The following SDS variants were observed in gnomAD, a reference collection of about 807,000 sequenced individuals.
The protein encoded by SDS is serine dehydratase.
SDS carries 19 observed loss-of-function variants against 29.3 expected under a neutral mutation model. That is an observed-to-expected ratio of 0.65 (90% CI 0.45 to 0.95). SDS has a LOEUF of 0.95. Among genes scored for constraint, SDS ranks in the 40% least tolerant of loss-of-function variants. SDS has a pLI of 0.00. For synonymous variants in SDS, 176 were observed against 189.0 expected (o/e 0.93, Z 0.56); for missense variants, 375 against 439.9 (o/e 0.85, Z 1.32).
chr12:113,399,096 G>A lies in SDS; in HGVS notation c.193+16C>T, dbSNP rs534991951. The A allele has an allele frequency of 5.6e-6, 9 of 1,613,740 alleles. No individual in the cohort carries two copies. In the South Asian group the frequency reaches 6.6e-5, roughly 12 times the overall value. On this transcript the variant is annotated intron_variant, in intron 3 of 7. Transcript: ENST00000257549. The stretch of plus-strand genomic sequence containing the variant: ...GACACACAGCAGAGGACAGGATGGG[G>A]AAGCAGATCACTTACCCGAGGAGCA...
At chr12:113,401,045 C>T (rs752281857) in intron 1 of SDS, among the ~76,000 whole-genome samples, 19 of 151,796 alleles carry the variant, frequency 1.3e-4, no homozygotes, top group Non-Finnish European at 2.4e-4. Flanking sequence ...ACCCGGGAGG[C>T]GGAGCTTGTA....
chr12:113,399,863 AC>A (rs1169518692), intron 1 of SDS, among the ~76,000 whole-genome samples, 153 bp from the exon 2 acceptor site: 1 of 152,168 alleles, frequency 6.6e-6, no homozygotes, highest in African/African-American at 2.4e-5. Flanking sequence ...CAAGTGGGCC[AC>A]CTACTCACCA....
intron 5 of SDS, among the ~76,000 whole-genome samples, chr12:113,398,000 A>T (rs1957658570): frequency 6.6e-6 from 1 of 151,210 alleles, no homozygotes; most frequent in Admixed American, 6.6e-5. Flanking sequence ...AGCCGTGGAT[A>T]ATGGGCATTT....
chr12:113,403,153 G>A (rs1196331267), intron 1 of SDS, among the ~76,000 whole-genome samples: 1 of 151,914 alleles, frequency 6.6e-6, no homozygotes, highest in African/African-American at 2.4e-5. Context: ...TTGAGACAAG[G>A]TCTTGCTGTG....
rs540701675 is a variant in SDS at position 113,398,793 on chromosome 12, C to A, written c.247G>T (p.Ala83Ser). The change falls in exon 4 of 8, where the codon GCC (alanine) becomes TCC (serine). Residue 83 changes from alanine to serine, a missense_variant. Physicochemically the swap from Ala to Ser is moderately conservative, Grantham distance 99 (BLOSUM62 1). Transcript: ENST00000257549. Reference sequence around the variant, plus strand: ...GTGGTGCTGGGCACCACGATGGTGGCGGGGACGCCGAGTTGCCTGGCCGCA... The same window carrying A: ...GTGGTGCTGGGCACCACGATGGTGGAGGGGACGCCGAGTTGCCTGGCCGCA... ...AYAARQLGVP[A>S]TIVVPSTTPA... is the part of the protein sequence containing the mutation. 6.2e-7 allele frequency: 1 copy of A among 1,613,172 alleles called. No homozygotes were observed. The highest frequency in any genetic ancestry group is 2.2e-5 in the East Asian group (1 of 44,844).
chr12:113,393,365 A>AG (rs1957623688), intron 7 of SDS, among the ~76,000 whole-genome samples: 2 of 152,284 alleles, frequency 1.3e-5, no homozygotes, highest in Non-Finnish European at 2.9e-5. Flanking sequence ...TAACACTGAT[A>AG]GAATGAGTGT....
At chr12:113,401,479 A>G (rs1221182945) in intron 1 of SDS, among the ~76,000 whole-genome samples, 1 of 152,020 alleles carries the variant, frequency 6.6e-6, no homozygotes, top group Non-Finnish European at 1.5e-5. Context: ...CGTTCTGCCC[A>G]CCTCAGCCTC....
chr12:113,398,447 G>T, intron 5 of SDS, 68 bp downstream of exon 5: 1 of 967,736 alleles, frequency 1.0e-6, no homozygotes, highest in Non-Finnish European at 1.6e-6. Flanking sequence ...GTGCATCATA[G>T]CAATGCCTGC....
intron 3 of SDS, 95 bp from the exon 4 acceptor site, chr12:113,398,941 C>A: frequency 6.6e-7 from 1 of 1,517,448 alleles, no homozygotes; most frequent in Non-Finnish European, 8.9e-7. Context: ...TGGAGTTCCC[C>A]CCTCACCTCC....
chr12:113,395,452 C>T (rs71467905), intron 6 of SDS, among the ~76,000 whole-genome samples: 4,306 of 152,312 alleles, frequency 0.028, 90 homozygotes, highest in Middle Eastern at 0.088. Flanking sequence ...TTGTCTGCCC[C>T]GGTGTCTTTT....
At chr12:113,397,466 CT>C in intron 5 of SDS, 74 bp from the exon 6 acceptor site, 1 of 1,250,688 alleles carries the variant, frequency 8.0e-7, no homozygotes, top group Non-Finnish European at 1.1e-6. Flanking sequence ...TTGCACCGGC[CT>C]TATCCCAGCT....
intron 1 of SDS, among the ~76,000 whole-genome samples, chr12:113,402,843 C>G (rs1386227622): frequency 6.6e-5 from 10 of 152,156 alleles, no homozygotes; most frequent in Admixed American, 6.6e-4. Context: ...CCAAGGATCG[C>G]AAGACTTCAG....
In SDS at chr12:113,398,076, T is replaced by G. The variant is rs572483517; in HGVS notation, c.425+439A>C. Among the ~76,000 whole-genome samples the G allele has an allele frequency of 8.1e-3, 1,221 of 150,142 alleles. 16 individuals are homozygous for G. Among genetic ancestry groups the G allele is most frequent in the African/African-American group, 0.028 (1,126 of 40,464 alleles). ...TGTGTTTCTTCTTTTTTTTTTTTTT[T>G]GTTTTTTTTTTTGAGATGGAGTCTC... On this transcript the variant is annotated intron_variant, in intron 5 of 7. Coordinates refer to ENST00000257549, the MANE Select transcript of SDS (RefSeq NM_006843.3).
intron 6 of SDS, among the ~76,000 whole-genome samples, chr12:113,395,229 C>G (rs1427846062): frequency 6.6e-6 from 1 of 152,072 alleles, no homozygotes; most frequent in Non-Finnish European, 1.5e-5. Flanking sequence ...AGCTCTATTC[C>G]CAGCTCAGCT....
At chr12:113,401,272 C>T (rs982361711) in intron 1 of SDS, among the ~76,000 whole-genome samples, 8 of 152,108 alleles carry the variant, frequency 5.3e-5, no homozygotes, top group African/African-American at 1.9e-4. Context: ...ACAAAATAAC[C>T]TAACTTTTGG....
chr12:113,403,208 A>T (rs1015225421), intron 1 of SDS, among the ~76,000 whole-genome samples: 3 of 151,998 alleles, frequency 2.0e-5, no homozygotes, highest in African/African-American at 4.8e-5. Context: ...CTCACTGCAG[A>T]CTCGACCTCT....
intron 1 of SDS, among the ~76,000 whole-genome samples, chr12:113,401,965 C>A (rs1230649020): frequency 6.6e-6 from 1 of 152,174 alleles, no homozygotes; most frequent in Non-Finnish European, 1.5e-5. Context: ...TCCAATGCCA[C>A]CTTGTCCAGC....
intron 1 of SDS, among the ~76,000 whole-genome samples, chr12:113,402,095 A>T (rs1382003187): frequency 6.6e-6 from 1 of 152,130 alleles, no homozygotes; most frequent in Non-Finnish European, 1.5e-5. Flanking sequence ...CAGACTTAGC[A>T]TCCCCTAAAT....
rs564208692 is a variant in SDS, at chr12:113,393,539, C to T, written c.778+353G>A. Among the ~76,000 whole-genome samples, 3 of 152,284 alleles carry T rather than the reference C, an allele frequency of 2.0e-5. No homozygotes were observed. In the South Asian group the frequency reaches 6.2e-4, roughly 32 times the overall value. ...TAGACGGAACCCAGAAAGAGTCCAGCCTAGTTACAGACTCACCTCTGAATG... is the reference window on the plus strand; with the variant it reads ...TAGACGGAACCCAGAAAGAGTCCAGTCTAGTTACAGACTCACCTCTGAATG... On this transcript the variant is annotated intron_variant, in intron 7 of 7. Transcript: ENST00000257549.
Sources: gnomAD v4.1 joint callset for allele counts (sites outside exome capture counted in the v4.1 genomes callset) on GRCh38, gnomAD v4.1.1 for gene constraint, MANE v1.5 for transcripts, NCBI Gene and HGNC (gene_info 2026-07-23, HGNC 2026-07-21) for gene names.